Variants in CASP9 observed in about 807,000 individuals in gnomAD.
CASP9 encodes caspase-9.
A neutral mutation model predicts 43.5 loss-of-function variants in CASP9; 29 were observed. That is an observed-to-expected ratio of 0.67 (90% CI 0.50 to 0.91). The LOEUF (loss-of-function observed/expected upper bound fraction) is 0.91. Ranked by LOEUF, CASP9 falls within the 40% of genes least tolerant of loss-of-function variation. The probability of loss-of-function intolerance (pLI) is 0.00; values close to 1 mark genes in which losing one functional copy is unlikely to be tolerated. For synonymous variants in CASP9, 206 were observed against 211.9 expected, an observed-to-expected ratio of 0.97 and a Z score of 0.24; for missense variants, 575 against 537.4, an observed-to-expected ratio of 1.07 and a Z score of -0.69.
intron 6 of CASP9, among the ~76,000 whole-genome samples, chr1:15,498,313 A>G (rs1709190984): frequency 6.6e-6 from 1 of 151,874 alleles, no homozygotes; most frequent in Non-Finnish European, 1.5e-5. Flanking sequence ...TCCTGGGCTC[A>G]AGCAATCTGC....
At chr1:15,515,376 C>T (rs1483231495) in intron 2 of CASP9, among the ~76,000 whole-genome samples, 1 of 152,188 alleles carries the variant, frequency 6.6e-6, no homozygotes, top group Non-Finnish European at 1.5e-5. Flanking sequence ...CATTATGCAG[C>T]AAGTACTCAA....
chr1:15,495,149 T>A, intron 7 of CASP9, 124 bp downstream of exon 7: 1 of 900,240 alleles, frequency 1.1e-6, no homozygotes, highest in Non-Finnish European at 1.7e-6. Flanking sequence ...TTGCTCAGGG[T>A]CACAGAGGGG....
intron 1 of CASP9, among the ~76,000 whole-genome samples, chr1:15,522,483 G>A (rs1490540027): frequency 1.3e-5 from 2 of 152,094 alleles, no homozygotes; most frequent in African/African-American, 4.8e-5. Flanking sequence ...TGAGGCAGGA[G>A]AATCACTTGA....
chr1:15,521,663 C>A (rs577012083), intron 1 of CASP9, among the ~76,000 whole-genome samples: 3 of 152,320 alleles, frequency 2.0e-5, no homozygotes, highest in South Asian at 2.1e-4. Flanking sequence ...AGAAGATTCA[C>A]CCTCCTTACC....
At chr1:15,513,038 G>A (rs578048318) in intron 2 of CASP9, among the ~76,000 whole-genome samples, 1 of 152,118 alleles carries the variant, frequency 6.6e-6, no homozygotes, top group South Asian at 2.1e-4. Flanking sequence ...GCAGGTGCCT[G>A]TAGTCCCAGA....
At chr1:15,497,593 A>AG (rs1455499463) in intron 6 of CASP9, among the ~76,000 whole-genome samples, 1 of 151,640 alleles carries the variant, frequency 6.6e-6, no homozygotes, top group Non-Finnish European at 1.5e-5. Context: ...CAGTGAGCCG[A>AG]GATGGCGCCA....
intron 2 of CASP9, among the ~76,000 whole-genome samples, chr1:15,511,665 A>G (rs1709761174): frequency 6.6e-6 from 1 of 152,190 alleles, no homozygotes; most frequent in South Asian, 2.1e-4. Flanking sequence ...TGGCCTCCCC[A>G]AGTGCTGGGA....
chr1:15,498,772 CAG>C (rs1272527387), intron 6 of CASP9, among the ~76,000 whole-genome samples: 1 of 108,346 alleles, frequency 9.2e-6, no homozygotes, highest in East Asian at 2.9e-4. Flanking sequence ...TTTTTTGAGA[CAG>C]AGTCTCGCTC....
At chr1:15,494,947 T>C (rs531432583) in intron 7 of CASP9, among the ~76,000 whole-genome samples, 144 of 150,650 alleles carry the variant, frequency 9.6e-4, no homozygotes, top group African/African-American at 3.3e-3. Context: ...CTCAGTGACG[T>C]GCCAGCCACC....
At chr1:15,501,455 G>A (rs1413207271) in intron 6 of CASP9, among the ~76,000 whole-genome samples, 1 of 151,750 alleles carries the variant, frequency 6.6e-6, no homozygotes, top group Non-Finnish European at 1.5e-5. Context: ...AAGTATTATA[G>A]TGAGTTATAA....
chr1:15,524,413 C>T, upstream of CASP9: 2 of 1,304,996 alleles, frequency 1.5e-6, no homozygotes, highest in Non-Finnish European at 1.9e-6. Flanking sequence ...CCTCAGGACG[C>T]ACCTCTGCGC....
chr1:15,523,210 T>C (rs1289758785), intron 1 of CASP9, among the ~76,000 whole-genome samples: 1 of 152,216 alleles, frequency 6.6e-6, no homozygotes. Flanking sequence ...AAACATAAAC[T>C]GAACACAGAA....
intron 6 of CASP9, among the ~76,000 whole-genome samples, chr1:15,498,527 A>T (rs945510117): frequency 6.6e-6 from 1 of 152,118 alleles, no homozygotes; most frequent in Non-Finnish European, 1.5e-5. Flanking sequence ...AAAAAGACAT[A>T]AAACTTGTCT....
In CASP9 at chr1:15,501,899, G is replaced by A. The variant is rs533508240; in HGVS notation, c.868+2712C>T. 3.3e-5 allele frequency among the ~76,000 whole-genome samples: 5 copies of A among 152,220 alleles called. No individual in the cohort carries two copies. In the East Asian group the frequency reaches 9.7e-4, roughly 29 times the overall value. ...CGATCTTCCTGCCTAAACATCCCAA[G>A]TAGCTGGGACCATAGGCACACACCA... On this transcript the variant is annotated intron_variant, in intron 6 of 8. Transcript: ENST00000333868.
chr1:15,508,401 C>CT (rs763118486), intron 2 of CASP9, among the ~76,000 whole-genome samples: 8 of 152,000 alleles, frequency 5.3e-5, no homozygotes, highest in Admixed American at 2.6e-4. Context: ...CGTTTCTTTT[C>CT]TTTTTTTTCT....
upstream of CASP9, chr1:15,524,582 C>A: frequency 2.2e-6 from 2 of 928,342 alleles, no homozygotes; most frequent in Non-Finnish European, 1.3e-6. Context: ...CCCGCACTGA[C>A]CTCACGTCAC....
intron 2 of CASP9, among the ~76,000 whole-genome samples, chr1:15,511,694 A>T (rs1709762006): frequency 6.6e-6 from 1 of 152,140 alleles, no homozygotes; most frequent in African/African-American, 2.4e-5. Flanking sequence ...GTGAGCCACC[A>T]TGCCCAGCCT....
In CASP9 at chr1:15,492,946, T is replaced by A; in HGVS notation, c.1248A>T (p.Ser416=). ...FLRKKLFFKT[S] is the part of the protein sequence containing the mutation. ...GGCAGGGTGAGGGGCCCTGGCCTTA[T>A]GATGTTTTAAAGAAAAGTTTTTTCC... is the stretch of plus-strand genomic sequence containing the variant. Residue 416 remains serine, a synonymous_variant, in exon 9 of 9, where the codon TCA becomes TCT. Transcript: ENST00000333868. The A allele has an allele frequency of 1.2e-6, 2 of 1,613,816 alleles. No homozygotes were observed. The highest frequency in any genetic ancestry group is 1.7e-6 in the Non-Finnish European group (2 of 1,180,036).
At chr1:15,504,560 C>A (rs759111739) in intron 6 of CASP9, 51 bp downstream of exon 6, 1 of 1,545,358 alleles carries the variant, frequency 6.5e-7, no homozygotes, top group Non-Finnish European at 8.7e-7. Context: ...AAGCAGGTGG[C>A]GGCTCCCTCC....
Sources: allele counts gnomAD v4.1 joint callset (sites outside exome capture counted in the v4.1 genomes callset), GRCh38; gene constraint gnomAD v4.1.1; transcripts MANE v1.5; gene names NCBI Gene and HGNC (gene_info 2026-07-23, HGNC 2026-07-21).